Variants in POU2F1 observed in about 807,000 individuals in gnomAD.
POU2F1 encodes POU class 2 homeobox 1, also known as POU domain, class 2, transcription factor 1.
In POU2F1, 16 loss-of-function variants were observed where a neutral mutation model predicts 84.9. That is an observed-to-expected ratio of 0.19 (90% CI 0.13 to 0.29). The LOEUF (loss-of-function observed/expected upper bound fraction) is 0.29, where lower values mean the gene tolerates loss of function less well. POU2F1 is among the 10% of genes least tolerant of loss of function. The probability of loss-of-function intolerance (pLI) is 1.00; values close to 1 mark genes in which losing one functional copy is unlikely to be tolerated. For missense variants in POU2F1, 738 were observed against 942.6 expected, an observed-to-expected ratio of 0.78 and a Z score of 2.84; for synonymous variants, 368 against 368.3, an observed-to-expected ratio of 1.00 and a Z score of 0.01.
At chr1:167,375,881 A>C in intron 6 of POU2F1, 148 bp from the exon 7 acceptor site, 1 of 974,470 alleles carries the variant, frequency 1.0e-6, no homozygotes, top group Non-Finnish European at 1.5e-6. Context: ...AAGCACACAC[A>C]GAGCATACCC....
chr1:167,222,303 G>A (rs1371496439), intron 1 of POU2F1, among the ~76,000 whole-genome samples: 1 of 152,190 alleles, frequency 6.6e-6, no homozygotes, highest in African/African-American at 2.4e-5. Flanking sequence ...TCTCTGCTTA[G>A]CTGAACCTCT....
At chr1:167,221,891 G>A (rs1468384344) in intron 1 of POU2F1, among the ~76,000 whole-genome samples, 2 of 151,776 alleles carry the variant, frequency 1.3e-5, no homozygotes, top group Non-Finnish European at 2.9e-5. Flanking sequence ...GTCCTCTGGG[G>A]CGGCCCGCGC....
chr1:167,367,351 C>T (rs1182774450), intron 3 of POU2F1, among the ~76,000 whole-genome samples: 2 of 152,008 alleles, frequency 1.3e-5, no homozygotes, highest in African/African-American at 2.4e-5. Context: ...TGTTGTTTAC[C>T]TGTGTCCCAG....
intron 1 of POU2F1, among the ~76,000 whole-genome samples, chr1:167,258,747 C>T: frequency 6.6e-6 from 1 of 152,138 alleles, no homozygotes; most frequent in Non-Finnish European, 1.5e-5. Flanking sequence ...ACTTTAAATT[C>T]AGAAAATTCA....
intron 2 of POU2F1, among the ~76,000 whole-genome samples, chr1:167,352,649 A>G (rs1658656862): frequency 6.6e-6 from 1 of 152,202 alleles, no homozygotes; most frequent in African/African-American, 2.4e-5. Flanking sequence ...TATTTGTAAA[A>G]CAAGGAGCTT....
At chr1:167,259,417 G>A (rs976509449) in intron 1 of POU2F1, among the ~76,000 whole-genome samples, 28 of 152,136 alleles carry the variant, frequency 1.8e-4, no homozygotes, top group Admixed American at 2.0e-4. Flanking sequence ...TTTCATGACC[G>A]TGTGGTATTT....
At chr1:167,302,564 C>A (rs1268000603) in intron 1 of POU2F1, among the ~76,000 whole-genome samples, 1 of 152,084 alleles carries the variant, frequency 6.6e-6, no homozygotes, top group Non-Finnish European at 1.5e-5. Flanking sequence ...GCCAACAACT[C>A]CTTTTTAAGA....
intron 1 of POU2F1, among the ~76,000 whole-genome samples, chr1:167,283,506 T>A (rs934999966): frequency 2.6e-5 from 4 of 152,186 alleles, no homozygotes; most frequent in African/African-American, 9.7e-5. Context: ...GATAGATAAA[T>A]GACTAGGATA....
intron 1 of POU2F1, among the ~76,000 whole-genome samples, chr1:167,230,129 A>G (rs1354865056): frequency 6.6e-6 from 1 of 152,190 alleles, no homozygotes; most frequent in Admixed American, 6.5e-5. Context: ...CCTTTCTCCC[A>G]TTACCATCCT....
At chr1:167,346,861 TG>T (rs1413414482) in intron 2 of POU2F1, among the ~76,000 whole-genome samples, 2 of 152,244 alleles carry the variant, frequency 1.3e-5, no homozygotes, top group African/African-American at 2.4e-5. Context: ...AATCTTTCTG[TG>T]GTTTTGTTTC....
chr1:167,292,691 A>T (rs1010206366), intron 1 of POU2F1, among the ~76,000 whole-genome samples: 1 of 151,830 alleles, frequency 6.6e-6, no homozygotes, highest in Admixed American at 6.6e-5. Flanking sequence ...AATAATAAAT[A>T]AATAAAAATT....
chr1:167,311,808 A>T (rs138339459), intron 1 of POU2F1, among the ~76,000 whole-genome samples: 78 of 132,896 alleles, frequency 5.9e-4, no homozygotes, highest in African/African-American at 2.1e-3. Context: ...TTATTTATTT[A>T]TTTTTTCTTT....
rs1650639228 is a variant in POU2F1, at chr1:167,421,324, A to G, written c.*5514A>G. On this transcript the variant is annotated 3_prime_UTR_variant, in exon 16 of 16. Coordinates refer to ENST00000367866, the MANE Select transcript of POU2F1 (RefSeq NM_002697.4). ...ATAGGATAAATAAATTGCTTTCATC[A>G]TAAAGGCCAATCATCCATTTCTTAG... 1 of 152,252 alleles carries G rather than the reference A, an allele frequency of 6.6e-6. No individual in the cohort carries two copies. The highest frequency in any genetic ancestry group is 2.4e-5 in the African/African-American group (1 of 41,472). 9.4% of individuals were successfully genotyped at this position (152,252 alleles called of 1,614,324 possible).
intron 1 of POU2F1, among the ~76,000 whole-genome samples, chr1:167,318,463 A>G (rs1331317281): frequency 6.6e-6 from 1 of 152,138 alleles, no homozygotes; most frequent in Non-Finnish European, 1.5e-5. Context: ...ATTGCTCAGC[A>G]CCTCTGCCTG....
At chr1:167,289,321 A>C (rs1005256799) in intron 1 of POU2F1, among the ~76,000 whole-genome samples, 1 of 152,240 alleles carries the variant, frequency 6.6e-6, no homozygotes, top group Non-Finnish European at 1.5e-5. Context: ...TGTACTGAAC[A>C]TGACTTATAA....
At chr1:167,237,766 ATATATATTT>A (rs1379930844) in intron 1 of POU2F1, among the ~76,000 whole-genome samples, 4 of 57,990 alleles carry the variant, frequency 6.9e-5, no homozygotes, top group East Asian at 7.9e-4. Context: ...ATATATATAT[ATATATATTT>A]TTTTTTTTTT....
chr1:167,387,115 T>A lies in POU2F1; in HGVS notation c.814-2473T>A, dbSNP rs557760943. 18 of 455,736 alleles carry A rather than the reference T, an allele frequency of 3.9e-5. No individual in the cohort carries two copies. The Middle Eastern group carries it at 9.9e-4, about 25-fold the overall frequency. The allele number at this position is 455,736 out of a possible 1,614,324, so 28.2% of individuals were successfully genotyped here. A position where few individuals can be genotyped will look rare whatever the true frequency, so the allele number is the denominator to read the frequency against. Reference sequence around the variant, plus strand: ...CTTCCTGGCCTCCGTTCTCTGCATATGGTGGCAGGGCCGTTGTGGCTTCAT... The same window carrying A: ...CTTCCTGGCCTCCGTTCTCTGCATAAGGTGGCAGGGCCGTTGTGGCTTCAT... On this transcript the variant is annotated intron_variant, in intron 8 of 15. Coordinates refer to ENST00000367866, the MANE Select transcript of POU2F1 (RefSeq NM_002697.4).
intron 1 of POU2F1, among the ~76,000 whole-genome samples, chr1:167,251,319 AG>A (rs1650710939): frequency 6.6e-6 from 1 of 152,168 alleles, no homozygotes; most frequent in African/African-American, 2.4e-5. Flanking sequence ...GGATTGATTG[AG>A]CCCAGTAAGT....
At chr1:167,264,509 T>C (rs1265760447) in intron 1 of POU2F1, among the ~76,000 whole-genome samples, 1 of 152,180 alleles carries the variant, frequency 6.6e-6, no homozygotes, top group Admixed American at 6.5e-5. Flanking sequence ...TTGTATTTTA[T>C]ATAAAGTACA....
Sources: gnomAD v4.1 joint callset for allele counts (sites outside exome capture counted in the v4.1 genomes callset) on GRCh38, gnomAD v4.1.1 for gene constraint, MANE v1.5 for transcripts, NCBI Gene and HGNC (gene_info 2026-07-23, HGNC 2026-07-21) for gene names.